The following THRAP3 variants were observed in gnomAD, a reference collection of about 807,000 sequenced individuals.
The protein encoded by THRAP3 is thyroid hormone receptor-associated protein 3.
In THRAP3, 16 loss-of-function variants were observed where a neutral mutation model predicts 101.0. The observed-to-expected ratio is 0.16, with a 90% CI of 0.11 to 0.24. The LOEUF is 0.24. Ranked by LOEUF, THRAP3 falls within the 10% of genes least tolerant of loss-of-function variation. The pLI, the probability that THRAP3 is intolerant of heterozygous loss-of-function variation, is 1.00. For missense variants in THRAP3, 989 were observed against 1,202.7 expected, an observed-to-expected ratio of 0.82 and a Z score of 2.63; for synonymous variants, 407 against 422.6, an observed-to-expected ratio of 0.96 and a Z score of 0.45.
chr1:36,292,260 G>GTT (rs1553124853), intron 6 of THRAP3, among the ~76,000 whole-genome samples: 7 of 13,120 alleles, frequency 5.3e-4, no homozygotes, highest in African/African-American at 1.2e-3. Context: ...GTGTTTCTTT[G>GTT]TTTCTTTTTT....
chr1:36,287,819 C>T (rs1055786311), intron 4 of THRAP3: 22 of 985,286 alleles, frequency 2.2e-5, no homozygotes, highest in South Asian at 4.7e-5. Flanking sequence ...AACACGGCTG[C>T]GTGTTAGGAG....
chr1:36,240,018 G>T (rs1172480404), intron 1 of THRAP3, among the ~76,000 whole-genome samples: 1 of 152,080 alleles, frequency 6.6e-6, no homozygotes, highest in Non-Finnish European at 1.5e-5. Context: ...GTTACACAAA[G>T]AATATAAATA....
chr1:36,294,284 C>T (rs1423133443), intron 8 of THRAP3: 1 of 974,578 alleles, frequency 1.0e-6, no homozygotes, highest in Non-Finnish European at 1.2e-6. Context: ...CTATTTCCAA[C>T]CATGATTTCA....
chr1:36,221,091 G>A (rs1481877364), upstream of THRAP3, among the ~76,000 whole-genome samples: 3 of 148,020 alleles, frequency 2.0e-5, no homozygotes, highest in African/African-American at 7.5e-5. Flanking sequence ...AGGCTGAGGC[G>A]AGAGGATCCT....
chr1:36,248,117 T>G (rs770117461), intron 1 of THRAP3, among the ~76,000 whole-genome samples: 187 of 152,208 alleles, frequency 1.2e-3, no homozygotes, highest in Non-Finnish European at 2.0e-3. Context: ...AGACCTCAGG[T>G]GATCCGCCCA....
intron 11 of THRAP3, among the ~76,000 whole-genome samples, chr1:36,302,712 G>A (rs559813157): frequency 1.3e-5 from 2 of 152,258 alleles, no homozygotes; most frequent in East Asian, 3.9e-4. Flanking sequence ...TGAAGTCATG[G>A]GGCTGATAAG....
At chr1:36,218,263 G>A in the THRAP3 span, among the ~76,000 whole-genome samples, 1 of 151,290 alleles carries the variant, frequency 6.6e-6, no homozygotes, top group Admixed American at 6.6e-5. Flanking sequence ...CAGCTACTCG[G>A]GAGGCTGAGG....
At chr1:36,214,532 C>T in the THRAP3 span, among the ~76,000 whole-genome samples, 341 of 152,198 alleles carry the variant, frequency 2.2e-3, 3 homozygotes, top group African/African-American at 7.6e-3. Context: ...TGCCCTAATC[C>T]GTTCTCACAC....
At chr1:36,243,151 C>CTTTTTT (rs58340320) in intron 1 of THRAP3, among the ~76,000 whole-genome samples, 58 of 60,622 alleles carry the variant, frequency 9.6e-4, no homozygotes, top group African/African-American at 1.4e-3. Flanking sequence ...GAGGAACTTT[C>CTTTTTT]TTTTTTTTTT....
rs1224693701 is a variant in THRAP3 at position 36,300,866 on chromosome 1, T to A, written c.2304-20T>A. 3.7e-6 allele frequency: 6 copies of A among 1,611,846 alleles called. No individual in the cohort carries two copies. The South Asian group carries it at 4.4e-5, about 12-fold the overall frequency. ...CCCTTAGAAAGATGATTGATCACCCTGGCTCTTCTCTTTTCACAGGAAGCA... is the reference window on the plus strand; with the variant it reads ...CCCTTAGAAAGATGATTGATCACCCAGGCTCTTCTCTTTTCACAGGAAGCA... On this transcript the variant is annotated intron_variant, in intron 9 of 11. Transcript: ENST00000354618.
chr1:36,211,498 A>G, the THRAP3 span, among the ~76,000 whole-genome samples: 15 of 152,296 alleles, frequency 9.8e-5, no homozygotes, highest in African/African-American at 2.4e-4. Context: ...TATTCGTACC[A>G]CTTCATTAAA....
chr1:36,294,475 G>A (rs1046334637), intron 8 of THRAP3, among the ~76,000 whole-genome samples: 1 of 152,100 alleles, frequency 6.6e-6, no homozygotes, highest in African/African-American at 2.4e-5. Flanking sequence ...TGATGTGCAC[G>A]TAAACACTGT....
At chr1:36,260,561 G>A (rs751902192) in intron 2 of THRAP3, among the ~76,000 whole-genome samples, 3 of 152,266 alleles carry the variant, frequency 2.0e-5, no homozygotes, top group South Asian at 2.1e-4. Context: ...CCTGGCTCAC[G>A]CCTGTAATCT....
At chr1:36,290,529 A>C (rs1425413905) in intron 5 of THRAP3, among the ~76,000 whole-genome samples, 3 of 151,354 alleles carry the variant, frequency 2.0e-5, no homozygotes, top group African/African-American at 7.3e-5. Flanking sequence ...GCAGTGGTGC[A>C]CTCTCAACTC....
chr1:36,289,016 G>T, intron 4 of THRAP3, 44 bp from the exon 5 acceptor site: 1 of 1,512,898 alleles, frequency 6.6e-7, no homozygotes. Flanking sequence ...AGAGCATGCT[G>T]TTAAGAAGCC....
intron 5 of THRAP3, 122 bp from the exon 6 acceptor site, chr1:36,291,252 T>G: frequency 6.7e-6 from 7 of 1,050,648 alleles, no homozygotes; most frequent in Non-Finnish European, 9.5e-6. Context: ...TACTTTCAAC[T>G]TCGGTAGGAA....
intron 1 of THRAP3, among the ~76,000 whole-genome samples, chr1:36,229,025 A>G (rs541679014): frequency 1.1e-4 from 17 of 152,312 alleles, no homozygotes; most frequent in Non-Finnish European, 1.3e-4. Flanking sequence ...TAATTGCTCA[A>G]GGCTTACCAA....
rs1646031903 is a variant in THRAP3 at position 36,301,613 on chromosome 1, A to G, written c.2563A>G (p.Asn855Asp). ...CAACTACTCTGGGAACAATAACAACAACAGCAACAACGATTTTCAAAAAAG... is the reference window on the plus strand; with the variant it reads ...CAACTACTCTGGGAACAATAACAACGACAGCAACAACGATTTTCAAAAAAG... ...RGNYSGNNNN[N>D]SNNDFQKRNR... is the part of the protein sequence containing the mutation. Residue 855 changes from asparagine to aspartate, a missense_variant, in exon 11 of 12, where the codon AAC becomes GAC. Physicochemically the swap from Asn to Asp is conservative, Grantham distance 23. Transcript: ENST00000354618. The G allele has an allele frequency of 6.2e-7, 1 of 1,614,074 alleles. No individual in the cohort carries two copies. The highest frequency in any genetic ancestry group is 8.5e-7 in the Non-Finnish European group (1 of 1,180,050).
chr1:36,302,502 G>A (rs907424776), intron 11 of THRAP3, among the ~76,000 whole-genome samples: 8 of 152,272 alleles, frequency 5.3e-5, no homozygotes, highest in East Asian at 1.9e-4. Context: ...GGCTGGGCCC[G>A]GGTTAGGTGC....
Sources: allele counts gnomAD v4.1 joint callset (sites outside exome capture counted in the v4.1 genomes callset), GRCh38; gene constraint gnomAD v4.1.1; transcripts MANE v1.5; gene names NCBI Gene and HGNC (gene_info 2026-07-23, HGNC 2026-07-21).